SLC22A9: variants seen among roughly 807,000 people sequenced by gnomAD.
The protein encoded by SLC22A9 is solute carrier family 22 member 9.
SLC22A9 carries 64 observed loss-of-function variants against 50.1 expected under a neutral mutation model. The ratio of observed to expected loss-of-function variants is 1.28; its 90% confidence interval spans 1.04 to 1.57. The LOEUF (loss-of-function observed/expected upper bound fraction) is 1.57. Ranked by LOEUF, SLC22A9 falls within the 40% of genes most tolerant of loss-of-function variation. SLC22A9 has a pLI of 0.00. For missense variants in SLC22A9, 757 were observed against 676.1 expected, an observed-to-expected ratio of 1.12 and a Z score of -1.33; for synonymous variants, 261 against 242.5, an observed-to-expected ratio of 1.08 and a Z score of -0.71.
chr11:63,391,656 G>A (rs1461210425), intron 6 of SLC22A9, among the ~76,000 whole-genome samples: 1 of 151,848 alleles, frequency 6.6e-6, no homozygotes, highest in East Asian at 1.9e-4. Flanking sequence ...CTTTGGCATA[G>A]AATATCATTT....
intron 6 of SLC22A9, among the ~76,000 whole-genome samples, chr11:63,400,160 G>A (rs2014928964): frequency 6.6e-6 from 1 of 151,480 alleles, no homozygotes; most frequent in African/African-American, 2.4e-5. Flanking sequence ...ATTAGCAGCA[G>A]GAAAGAAATA....
In SLC22A9 at chr11:63,409,813, C is replaced by T. The variant is rs373230518; in HGVS notation, c.1613C>T (p.Pro538Leu). The stretch of plus-strand genomic sequence containing the variant: ...TGTATTTGTTCTAGGAGAAAAGACC[C>T]CAGAGAACCAAAGCAAGAGGATCCG... The part of the protein sequence containing the change: ...IQDEKNERKD[P>L]REPKQEDPRV... Residue 538 changes from proline (P) to leucine (L), a missense_variant, in exon 10 of 10, where the codon CCC becomes CTC. Physicochemically the swap from Pro to Leu is moderately conservative, Grantham distance 98 (BLOSUM62 -3). Transcript: ENST00000279178. 6.2e-6 allele frequency: 10 copies of T among 1,613,176 alleles called. No individual in the cohort carries two copies. The highest frequency in any genetic ancestry group is 6.8e-6 in the Non-Finnish European group (8 of 1,179,708).
intron 6 of SLC22A9, among the ~76,000 whole-genome samples, chr11:63,387,334 G>T (rs879893748): frequency 8.6e-5 from 13 of 151,984 alleles, no homozygotes; most frequent in Non-Finnish European, 1.8e-4. Context: ...TAAGAGATAA[G>T]GATCTAGTTT....
At chr11:63,392,567 T>A (rs964845215) in intron 6 of SLC22A9, among the ~76,000 whole-genome samples, 3 of 152,054 alleles carry the variant, frequency 2.0e-5, no homozygotes, top group African/African-American at 7.2e-5. Flanking sequence ...GTCTTTAAAA[T>A]TTCCACTGCA....
chr11:63,372,043 T>C (rs2014369337), intron 2 of SLC22A9, among the ~76,000 whole-genome samples: 1 of 152,136 alleles, frequency 6.6e-6, no homozygotes, highest in Non-Finnish European at 1.5e-5. Context: ...GAGGGTTAAT[T>C]TCCAATAGTT....
chr11:63,371,577 G>C (rs1214746673), intron 2 of SLC22A9, among the ~76,000 whole-genome samples: 1 of 152,170 alleles, frequency 6.6e-6, no homozygotes, highest in African/African-American at 2.4e-5. Flanking sequence ...CCTTGGCCAG[G>C]AGTACCAGGT....
intron 5 of SLC22A9, among the ~76,000 whole-genome samples, chr11:63,377,471 A>C (rs1308592030): frequency 1.3e-5 from 2 of 152,140 alleles, no homozygotes; most frequent in Non-Finnish European, 2.9e-5. Context: ...TAAATAAAGA[A>C]ATTAAGGCAG....
At chr11:63,394,583 T>A (rs1295879945) in intron 6 of SLC22A9, among the ~76,000 whole-genome samples, 1 of 152,216 alleles carries the variant, frequency 6.6e-6, no homozygotes, top group East Asian at 1.9e-4. Context: ...GGGTTTCTTC[T>A]GAGAAATCTT....
At chr11:63,395,570 G>C (rs2014838786) in intron 6 of SLC22A9, among the ~76,000 whole-genome samples, 1 of 152,168 alleles carries the variant, frequency 6.6e-6, no homozygotes, top group African/African-American at 2.4e-5. Context: ...GATTTGAACT[G>C]TCTATTGGTC....
rs189240692 is a variant in SLC22A9 at position 63,373,573 on chromosome 11, T to C, written c.507-71T>C. ...TAAACATCTTTTAAGTTTCAAAGTG[T>C]GCCTTCTCTTTGCTAAGTTTTTCCA... On this transcript the variant is annotated intron_variant, in intron 2 of 9. Coordinates refer to ENST00000279178, the MANE Select transcript of SLC22A9 (RefSeq NM_080866.3). The C allele has an allele frequency of 1.1e-5, 15 of 1,409,024 alleles. No homozygotes were observed. The East Asian group carries it at 3.6e-4, about 33-fold the overall frequency. 87.3% of individuals were successfully genotyped at this position (1,409,024 alleles called of 1,614,324 possible). A position where few individuals can be genotyped will look rare whatever the true frequency, so the allele number is the denominator to read the frequency against.
intron 6 of SLC22A9, among the ~76,000 whole-genome samples, chr11:63,405,359 G>T (rs766069698): frequency 1.3e-5 from 2 of 152,118 alleles, no homozygotes; most frequent in Non-Finnish European, 2.9e-5. Context: ...TGTCAAGGGC[G>T]ACTAAGCCCT....
intron 6 of SLC22A9, 76 bp from the exon 7 acceptor site, chr11:63,406,421 G>T (rs1184733224): frequency 1.5e-6 from 2 of 1,337,746 alleles, no homozygotes; most frequent in Non-Finnish European, 2.1e-6. Context: ...TAGCTGCCTG[G>T]GCCAATATTA....
rs2014583250 is a variant in SLC22A9 at position 63,382,421 on chromosome 11, G to A, written c.1073+144G>A. ...GTAAAGAGAATTGCTGTGTTTGAAT[G>A]TAGTAAAAGAGTTGTGAAAAGACTG... On this transcript the variant is annotated intron_variant, in intron 6 of 9. Coordinates refer to ENST00000279178, the MANE Select transcript of SLC22A9 (RefSeq NM_080866.3). 3 of 603,164 alleles carry A rather than the reference G, an allele frequency of 5.0e-6. No homozygotes were observed. In the African/African-American group the frequency reaches 5.6e-5, roughly 11 times the overall value. 37.4% of individuals were successfully genotyped at this position (603,164 alleles called of 1,614,324 possible).
chr11:63,387,471 T>C (rs1452924118), intron 6 of SLC22A9, among the ~76,000 whole-genome samples: 5 of 152,126 alleles, frequency 3.3e-5, no homozygotes, highest in African/African-American at 4.8e-5. Context: ...GATTTACCTC[T>C]GGGTTCTCTA....
chr11:63,388,715 C>T (rs1255061323), intron 6 of SLC22A9, among the ~76,000 whole-genome samples: 3 of 136,092 alleles, frequency 2.2e-5, no homozygotes, highest in Non-Finnish European at 4.8e-5. Flanking sequence ...ATTCCCTCCA[C>T]CTGTATTTTT....
At chr11:63,407,136 T>C (rs1379062162) in intron 7 of SLC22A9, among the ~76,000 whole-genome samples, 3 of 152,206 alleles carry the variant, frequency 2.0e-5, no homozygotes, top group African/African-American at 7.2e-5. Context: ...GACAATGTAC[T>C]CCCTAATTCC....
intron 5 of SLC22A9, among the ~76,000 whole-genome samples, chr11:63,377,245 C>T (rs780288753): frequency 2.6e-5 from 4 of 152,108 alleles, no homozygotes; most frequent in South Asian, 4.1e-4. Flanking sequence ...GCAGAATATA[C>T]GTTATTCTCC....
chr11:63,382,215 T>C lies in SLC22A9; in HGVS notation c.1011T>C (p.Ser337=), dbSNP rs527465862. 5.6e-6 allele frequency: 9 copies of C among 1,609,460 alleles called. No homozygotes were observed. In the African/African-American group the frequency reaches 9.4e-5, roughly 17 times the overall value. ...ELEAAQKKKP[S]LCEMLHMPNI... ...AGGCAGCACAAAAAAAAAAACCTTC[T>C]CTGTGTGAAATGCTCCACATGCCCA... Residue 337 remains serine, a synonymous_variant, in exon 6 of 10, where the codon TCT becomes TCC. Transcript: ENST00000279178.
At chr11:63,382,393 G>T (rs1180508916) in intron 6 of SLC22A9, 116 bp downstream of exon 6, 4 of 700,560 alleles carry the variant, frequency 5.7e-6, no homozygotes, top group Non-Finnish European at 9.3e-6. Flanking sequence ...AGATGAGAAA[G>T]CCGTAAAGAG....
Sources: gnomAD v4.1 joint callset for allele counts (sites outside exome capture counted in the v4.1 genomes callset) on GRCh38, gnomAD v4.1.1 for gene constraint, MANE v1.5 for transcripts, NCBI Gene and HGNC (gene_info 2026-07-23, HGNC 2026-07-21) for gene names.